PRKG1: variants seen among roughly 807,000 people sequenced by gnomAD.
PRKG1 encodes the protein cGMP-dependent protein kinase 1.
In PRKG1, 35 loss-of-function variants were observed where a neutral mutation model predicts 88.1. That is an observed-to-expected ratio of 0.40 (90% CI 0.30 to 0.53). The LOEUF (loss-of-function observed/expected upper bound fraction) is 0.53. Ranked by LOEUF, PRKG1 falls within the 20% of genes least tolerant of loss-of-function variation. The probability of loss-of-function intolerance (pLI) is 0.59; values close to 1 mark genes in which losing one functional copy is unlikely to be tolerated. For synonymous variants in PRKG1, 303 were observed against 292.5 expected, an observed-to-expected ratio of 1.04 and a Z score of -0.37; for missense variants, 540 against 839.8, an observed-to-expected ratio of 0.64 and a Z score of 4.41.
chr10:51,464,839 C>G (rs1051954487), intron 2 of PRKG1, among the ~76,000 whole-genome samples: 3 of 145,810 alleles, frequency 2.1e-5, no homozygotes, highest in African/African-American at 7.7e-5. Context: ...TGCAGTGAGC[C>G]GAGATCCCGC....
At chr10:51,400,724 GT>G (rs1263128854) in intron 2 of PRKG1, among the ~76,000 whole-genome samples, 15 of 152,104 alleles carry the variant, frequency 9.9e-5, no homozygotes, top group African/African-American at 3.6e-4. Context: ...GTTCTTCTTA[GT>G]TTTTTCTGAG....
At chr10:51,186,196 G>A (rs2132033280) in intron 2 of PRKG1, among the ~76,000 whole-genome samples, 1 of 151,736 alleles carries the variant, frequency 6.6e-6, no homozygotes, top group East Asian at 1.9e-4. Context: ...TTATACATAT[G>A]CAGGATATTC....
intron 2 of PRKG1, among the ~76,000 whole-genome samples, chr10:51,250,887 G>A (rs1404447954): frequency 6.6e-6 from 1 of 151,742 alleles, no homozygotes; most frequent in Non-Finnish European, 1.5e-5. Context: ...CCCTGTGTTG[G>A]TAGTGTTACT....
At chr10:51,732,508 A>G (rs778359286) in intron 3 of PRKG1, among the ~76,000 whole-genome samples, 1 of 152,244 alleles carries the variant, frequency 6.6e-6, no homozygotes, top group African/African-American at 2.4e-5. Flanking sequence ...AGAGAGGTAT[A>G]CAGAGAGCAA....
At chr10:51,124,424 T>C (rs990469073) in intron 1 of PRKG1, among the ~76,000 whole-genome samples, 1 of 152,118 alleles carries the variant, frequency 6.6e-6, no homozygotes, top group African/African-American at 2.4e-5. Flanking sequence ...TTTCACCTTA[T>C]AGAAGTGACC....
At chr10:51,938,512 A>G (rs2133022252) in intron 5 of PRKG1, among the ~76,000 whole-genome samples, 1 of 152,118 alleles carries the variant, frequency 6.6e-6, no homozygotes, top group East Asian at 1.9e-4. Flanking sequence ...AGAGGGCATT[A>G]ATGTCATTCC....
intron 2 of PRKG1, among the ~76,000 whole-genome samples, chr10:51,356,234 G>T (rs761998324): frequency 6.6e-6 from 1 of 152,040 alleles, no homozygotes; most frequent in Non-Finnish European, 1.5e-5. Context: ...GCCAGAGCAA[G>T]TGTGATTCTG....
chr10:51,461,703 A>T (rs1158510709), intron 2 of PRKG1, among the ~76,000 whole-genome samples: 1 of 152,176 alleles, frequency 6.6e-6, no homozygotes, highest in Non-Finnish European at 1.5e-5. Context: ...TTCAAGAACA[A>T]AATTGCATCT....
chr10:51,134,453 T>C (rs971285911), intron 1 of PRKG1, among the ~76,000 whole-genome samples: 1 of 152,168 alleles, frequency 6.6e-6, no homozygotes, highest in African/African-American at 2.4e-5. Flanking sequence ...CTTTGAAAAA[T>C]GTAGTACTTA....
intron 1 of PRKG1, among the ~76,000 whole-genome samples, chr10:51,131,659 T>C (rs759394023): frequency 4.6e-5 from 7 of 152,356 alleles, no homozygotes; most frequent in Middle Eastern, 3.4e-3. Context: ...AGGTACAGTT[T>C]GTTTACTTGT....
rs1444669495 is a variant in PRKG1 at position 51,485,808 on chromosome 10, CTTA to C, written c.592+17976_592+17978del. On this transcript the variant is annotated intron_variant, in intron 3 of 17. Coordinates refer to ENST00000373980, the MANE Select transcript of PRKG1 (RefSeq NM_006258.4). The stretch of plus-strand genomic sequence containing the variant: ...GAGCTATGAGCTACATTCAGGAATT[CTTA>C]TTAGGGTCATGTGACATCTTAAATG... Among the ~76,000 whole-genome samples the C allele has an allele frequency of 3.3e-5, 5 of 152,204 alleles. No homozygotes were observed. In the Middle Eastern group the frequency reaches 0.01, roughly 311 times the overall value.
At chr10:51,211,809 A>G (rs1838228623) in intron 2 of PRKG1, among the ~76,000 whole-genome samples, 1 of 152,210 alleles carries the variant, frequency 6.6e-6, no homozygotes, top group Non-Finnish European at 1.5e-5. Flanking sequence ...GTTCAATGAA[A>G]TAAAAGAGGA....
intron 3 of PRKG1, among the ~76,000 whole-genome samples, chr10:51,509,710 G>A (rs1841335676): frequency 6.6e-6 from 1 of 152,108 alleles, no homozygotes; most frequent in Admixed American, 6.6e-5. Context: ...CACACACGAT[G>A]TTGGGGTTTT....
chr10:51,159,690 G>A (rs1359128139), intron 2 of PRKG1, among the ~76,000 whole-genome samples: 1 of 152,034 alleles, frequency 6.6e-6, no homozygotes, highest in Admixed American at 6.6e-5. Context: ...CCATGCTTCA[G>A]AAAGGACTTT....
chr10:51,848,578 C>T (rs977468617), intron 4 of PRKG1, among the ~76,000 whole-genome samples: 2 of 151,654 alleles, frequency 1.3e-5, no homozygotes, highest in African/African-American at 4.8e-5. Flanking sequence ...GAATTATTTC[C>T]TAGAGACAGA....
chr10:51,748,670 G>A (rs990088404), intron 3 of PRKG1, among the ~76,000 whole-genome samples: 2 of 152,098 alleles, frequency 1.3e-5, no homozygotes, highest in African/African-American at 4.8e-5. Flanking sequence ...GCCAAAATAC[G>A]GGTCATGAAA....
chr10:52,076,171 G>A (rs1006810664), intron 7 of PRKG1, among the ~76,000 whole-genome samples: 1 of 152,104 alleles, frequency 6.6e-6, no homozygotes. Context: ...CTAAATGTGA[G>A]ATCAAAACTA....
rs142574781 is a variant in PRKG1 at position 51,827,165 on chromosome 10, G to A, written c.698+22475G>A. On this transcript the variant is annotated intron_variant, in intron 4 of 17. Transcript: ENST00000373980. ...ATGTTTGTTTATTATCTCAGTATTCGGATGATTGCCCTAAATATTCAATTT... is the reference window on the plus strand; with the variant it reads ...ATGTTTGTTTATTATCTCAGTATTCAGATGATTGCCCTAAATATTCAATTT... 3.1e-3 allele frequency among the ~76,000 whole-genome samples: 468 copies of A among 152,158 alleles called. 5 individuals carry two copies. Among genetic ancestry groups the A allele is most frequent in the African/African-American group, 0.011 (444 of 41,522 alleles).
rs1316151437 is a variant in PRKG1 at position 51,697,577 on chromosome 10, T to G, written c.593-107008T>G. On this transcript the variant is annotated intron_variant, in intron 3 of 17. Coordinates refer to ENST00000373980, the MANE Select transcript of PRKG1 (RefSeq NM_006258.4). Reference sequence around the variant, plus strand: ...AAAGAAAAAGAACAAAAAATAAGATTAGGTTCTAGGAGGAGGGAAACCCTA... The same window carrying G: ...AAAGAAAAAGAACAAAAAATAAGATGAGGTTCTAGGAGGAGGGAAACCCTA... 10 of 945,524 alleles carry G rather than the reference T, an allele frequency of 1.1e-5. No individual in the cohort carries two copies. In the Admixed American group the frequency reaches 2.1e-4, roughly 19 times the overall value. 58.6% of individuals were successfully genotyped at this position (945,524 alleles called of 1,614,324 possible).
Sources: gnomAD v4.1 joint callset for allele counts (sites outside exome capture counted in the v4.1 genomes callset) on GRCh38, gnomAD v4.1.1 for gene constraint, MANE v1.5 for transcripts, NCBI Gene and HGNC (gene_info 2026-07-23, HGNC 2026-07-21) for gene names.